The following TNPO1 variants were observed in gnomAD, a reference collection of about 807,000 sequenced individuals.
TNPO1 encodes transportin 1.
A neutral mutation model predicts 119.5 loss-of-function variants in TNPO1; 8 were observed. The ratio of observed to expected loss-of-function variants is 0.07; its 90% CI spans 0.04 to 0.12. The LOEUF is 0.12. Ranked by LOEUF, TNPO1 falls within the 10% of genes least tolerant of loss-of-function variation. The pLI is 1.00. For missense variants in TNPO1, 576 were observed against 1,089.8 expected, an observed-to-expected ratio of 0.53 and a Z score of 6.64; for synonymous variants, 362 against 363.0, an observed-to-expected ratio of 1.00 and a Z score of 0.03.
chr5:72,848,027 A>C, intron 1 of TNPO1: 1 of 1,021,124 alleles, frequency 9.8e-7, no homozygotes, highest in East Asian at 9.5e-5. Flanking sequence ...TCTGGACGGA[A>C]TTAGAGATGG....
rs1314627845 is a variant in TNPO1 at position 72,913,518 on chromosome 5, G to C, written c.*4845G>C. The C allele has an allele frequency of 1.3e-5, 2 of 152,234 alleles. No homozygotes were observed. Among genetic ancestry groups the C allele is most frequent in the African/African-American group, 4.8e-5 (2 of 41,380 alleles). 9.4% of individuals were successfully genotyped at this position (152,234 alleles called of 1,614,324 possible). A position where few individuals can be genotyped will look rare whatever the true frequency, so the allele number is the denominator to read the frequency against. On this transcript the variant is annotated 3_prime_UTR_variant, in exon 25 of 25. Transcript: ENST00000337273. ...AAATGGTGATTTTTTTTCACCTCTT[G>C]TACATTTTAAAACCAGGCCAAATCT...
chr5:72,854,636 G>C (rs908897160), intron 3 of TNPO1, among the ~76,000 whole-genome samples: 5 of 152,166 alleles, frequency 3.3e-5, no homozygotes, highest in African/African-American at 1.2e-4. Flanking sequence ...ATTAAGTGCA[G>C]TGCCACTTGG....
Position 72,850,232 on chromosome 5 carries a change from T to G in TNPO1, c.130-1012T>G, listed in dbSNP as rs555542046. On this transcript the variant is annotated intron_variant, in intron 2 of 24. Transcript: ENST00000337273. ...GGATAAAGAGATGTAGCTTAAGTTG[T>G]AAAAAGGTAAACTTTATCAGGAAAT... Among the ~76,000 whole-genome samples, 9 of 152,324 alleles carry G rather than the reference T, an allele frequency of 5.9e-5. No individual in the cohort carries two copies. In the South Asian group the frequency reaches 1.9e-3, roughly 32 times the overall value.
Position 72,882,523 on chromosome 5 carries a change from T to G in TNPO1, c.977T>G (p.Leu326Arg). The change falls in exon 10 of 25, where the codon CTT (leucine) becomes CGT (arginine). Residue 326 changes from leucine to arginine, a missense_variant. This residue lies in a region of TNPO1 where 310 missense variants were observed against 583.0 expected (regional missense o/e 0.53). Transcript: ENST00000337273. ...TACTCAGACATAGATATTATCCTAC[T>G]TAAGGTAAGGAAGCTTTTTTGATGA... is the stretch of plus-strand genomic sequence containing the variant. ...MKYSDIDIILLKGDVEEDETI... is the reference protein window; with the variant it reads ...MKYSDIDIILRKGDVEEDETI... 6.2e-7 allele frequency: 1 copy of G among 1,608,222 alleles called. No individual in the cohort carries two copies. The highest frequency in any genetic ancestry group is 8.5e-7 in the Non-Finnish European group (1 of 1,177,024).
intron 11 of TNPO1, among the ~76,000 whole-genome samples, chr5:72,884,667 G>C (rs1222343828): frequency 6.6e-6 from 1 of 152,106 alleles, no homozygotes; most frequent in Admixed American, 6.5e-5. Context: ...GATTTTGCTT[G>C]CTTGTTTGCT....
At chr5:72,885,704 T>C (rs978198522) in intron 11 of TNPO1, among the ~76,000 whole-genome samples, 2 of 151,952 alleles carry the variant, frequency 1.3e-5, no homozygotes, top group Admixed American at 1.3e-4. Context: ...AAGGTGTTAA[T>C]TTCTGGCCAA....
intron 1 of TNPO1, among the ~76,000 whole-genome samples, chr5:72,825,141 A>G (rs1226180047): frequency 6.6e-6 from 1 of 152,122 alleles, no homozygotes; most frequent in Non-Finnish European, 1.5e-5. Context: ...AGCCACTACC[A>G]TCACATCTTG....
chr5:72,875,542 C>G, intron 7 of TNPO1, 73 bp from the exon 8 acceptor site: 1 of 1,521,022 alleles, frequency 6.6e-7, no homozygotes, highest in Non-Finnish European at 9.0e-7. Flanking sequence ...TTAAATGTCA[C>G]CAACTTGCAG....
chr5:72,891,902 C>A lies in TNPO1; in HGVS notation c.1788+6C>A. ...ATCTCTTCCCTTTACTTGAGGTATG[C>A]AGGGCTAGTAATATTTAATCTGTTG... On this transcript the variant is annotated splice_donor_region_variant and intron_variant, in intron 15 of 24. Coordinates refer to ENST00000337273, the MANE Select transcript of TNPO1 (RefSeq NM_002270.4). 1 of 1,603,082 alleles carries A rather than the reference C, an allele frequency of 6.2e-7. No individual in the cohort carries two copies. The highest frequency in any genetic ancestry group is 8.5e-7 in the Non-Finnish European group (1 of 1,173,354).
At chr5:72,840,556 A>G (rs1404920131) in intron 1 of TNPO1, among the ~76,000 whole-genome samples, 1 of 152,158 alleles carries the variant, frequency 6.6e-6, no homozygotes, top group Non-Finnish European at 1.5e-5. Flanking sequence ...CTCGGTTAAT[A>G]TAAAATGGAG....
chr5:72,891,078 A>G (rs6861834), intron 14 of TNPO1, among the ~76,000 whole-genome samples: 73,368 of 151,710 alleles, frequency 0.48, 18,921 homozygotes, highest in Admixed American at 0.61. Flanking sequence ...CCTGGGTTCA[A>G]GTGATCTGCC....
rs1747120180 is a variant in TNPO1 at position 72,868,462 on chromosome 5, C to CAA, written c.596+2736_596+2737dup. On this transcript the variant is annotated intron_variant, in intron 6 of 24. Transcript: ENST00000337273. ...AAAAAAAAAAAAAAAAAAAAAAACA[C>CAA]AAAATAATATATCAGGCATTTGTGG... 6.3e-5 allele frequency among the ~76,000 whole-genome samples: 6 copies of CAA among 94,836 alleles called. 1 individual carries two copies. The highest frequency in any genetic ancestry group is 1.0e-4 in the Admixed American group (1 of 9,880). The allele number at this position is 94,836 out of a possible 152,430, so 62.2% of individuals were successfully genotyped here.
intron 9 of TNPO1, among the ~76,000 whole-genome samples, chr5:72,881,237 A>C (rs1420128463): frequency 6.6e-6 from 1 of 152,072 alleles, no homozygotes; most frequent in Non-Finnish European, 1.5e-5. Flanking sequence ...CAGCCTCCTG[A>C]GTAGCTGGGA....
intron 23 of TNPO1, among the ~76,000 whole-genome samples, chr5:72,904,756 C>T (rs556656164): frequency 4.6e-5 from 7 of 152,234 alleles, no homozygotes; most frequent in Admixed American, 2.6e-4. Context: ...AAGATCATGC[C>T]GTTGCACTCC....
intron 20 of TNPO1, among the ~76,000 whole-genome samples, chr5:72,897,499 T>TA (rs397704558): frequency 1.3e-5 from 2 of 151,942 alleles, no homozygotes; most frequent in South Asian, 2.1e-4. Context: ...TTTTTTTTTT[T>TA]AATCTGTCCA....
intron 3 of TNPO1, among the ~76,000 whole-genome samples, chr5:72,854,755 A>G (rs1177274676): frequency 6.6e-6 from 1 of 152,236 alleles, no homozygotes. Context: ...ATGTTCTACT[A>G]GTATTAAGTA....
Position 72,893,071 on chromosome 5 carries a change from G to A in TNPO1, c.1789-68G>A, listed in dbSNP as rs1476474021. ...AATGATCAGGATCCTGTTGAGCGCA[G>A]TTTCAAGCATTCATCATAATCTTCA... On this transcript the variant is annotated intron_variant, in intron 15 of 24. Coordinates refer to ENST00000337273, the MANE Select transcript of TNPO1 (RefSeq NM_002270.4). 1.0e-5 allele frequency: 13 copies of A among 1,248,286 alleles called. No individual in the cohort carries two copies. In the South Asian group the frequency reaches 1.4e-4, roughly 14 times the overall value. 77.3% of individuals were successfully genotyped at this position (1,248,286 alleles called of 1,614,324 possible).
At chr5:72,875,142 A>G (rs1349961067) in intron 7 of TNPO1, among the ~76,000 whole-genome samples, 3 of 152,234 alleles carry the variant, frequency 2.0e-5, no homozygotes, top group Non-Finnish European at 2.9e-5. Flanking sequence ...GAACAGCATA[A>G]TATTTATTAC....
rs1745964803 is a variant in TNPO1 at position 72,855,935 on chromosome 5, T to C, written c.355+12T>C. 1.2e-6 allele frequency: 2 copies of C among 1,611,754 alleles called. No homozygotes were observed. Among genetic ancestry groups the C allele is most frequent in the African/African-American group, 2.7e-5 (2 of 74,940 alleles). ...TAGAGCCACTGTTGGTAAGTTATAT[T>C]ACAACAGTTTTGCTTACTTTGTTTG... On this transcript the variant is annotated intron_variant, in intron 4 of 24. Coordinates refer to ENST00000337273, the MANE Select transcript of TNPO1 (RefSeq NM_002270.4).
Sources: allele counts gnomAD v4.1 joint callset (sites outside exome capture counted in the v4.1 genomes callset), GRCh38; gene constraint gnomAD v4.1.1; regional missense constraint gnomAD v4.1.1; transcripts MANE v1.5; gene names NCBI Gene and HGNC (gene_info 2026-07-23, HGNC 2026-07-21).